Variants in NLRC5 observed in about 807,000 individuals in gnomAD.
The protein encoded by NLRC5 is protein NLRC5.
NLRC5 carries 114 observed loss-of-function variants against 206.9 expected under a neutral mutation model. The observed-to-expected ratio is 0.55, with a 90% CI of 0.47 to 0.64. The LOEUF is 0.64. Ranked by LOEUF, NLRC5 falls within the 30% of genes least tolerant of loss-of-function variation. The probability of loss-of-function intolerance (pLI) is 0.00; values close to 1 mark genes in which losing one functional copy is unlikely to be tolerated. For missense variants in NLRC5, 2,008 were observed against 2,305.5 expected, an observed-to-expected ratio of 0.87 and a Z score of 2.64; for synonymous variants, 952 against 962.8, an observed-to-expected ratio of 0.99 and a Z score of 0.21.
At chr16:57,004,828 G>T (rs1441089993) in intron 1 of NLRC5, among the ~76,000 whole-genome samples, 3 of 152,170 alleles carry the variant, frequency 2.0e-5, no homozygotes, top group Non-Finnish European at 4.4e-5. Flanking sequence ...TTGGAGGGAG[G>T]CGTCTGCTGG....
At chr16:57,002,141 ACT>A (rs1491264445) in intron 1 of NLRC5, among the ~76,000 whole-genome samples, 1 of 151,004 alleles carries the variant, frequency 6.6e-6, no homozygotes, top group African/African-American at 2.4e-5. Context: ...ATTTTCTTTT[ACT>A]CTTTTATTCT....
chr16:57,070,681 G>A, intron 38 of NLRC5, 63 bp downstream of exon 38: 1 of 1,399,194 alleles, frequency 7.1e-7, no homozygotes, highest in Non-Finnish European at 9.9e-7. Context: ...TGGTGGAAGT[G>A]GGTGAGTGGT....
Position 57,025,724 on chromosome 16 carries a change from T to C in NLRC5, c.781T>C (p.Phe261Leu). The change falls in exon 6 of 49, where the codon TTC becomes CTC. Residue 261 changes from phenylalanine to leucine, a missense_variant. Transcript: ENST00000688547. Reference protein sequence around the residue: ...NCFQALFLFEFRQLNLITRFL... With the variant: ...NCFQALFLFELRQLNLITRFL... ...TTTCCAGGCCCTGTTCCTTTTTGAA[T>C]TCCGCCAGCTCAACTTGATCACGAG... is the stretch of plus-strand genomic sequence containing the variant. 6.2e-7 allele frequency: 1 copy of C among 1,614,224 alleles called. No homozygotes were observed. The highest frequency in any genetic ancestry group is 8.5e-7 in the Non-Finnish European group (1 of 1,180,038).
intron 27 of NLRC5, among the ~76,000 whole-genome samples, chr16:57,057,533 T>C (rs2065837417): frequency 6.6e-6 from 1 of 152,248 alleles, no homozygotes; most frequent in Non-Finnish European, 1.5e-5. Context: ...AGAAGAAATC[T>C]ATGGGTTTAA....
In NLRC5 at chr16:57,025,426, C is replaced by A. The variant is rs1597219414; in HGVS notation, c.483C>A (p.Ser161Arg). ...LRTSAQQRYR[S>R]QIPGSGQPHA... is the part of the protein sequence containing the mutation. ...CCTCTGCCCAGCAGCGCTACAGGAG[C>A]CAAATCCCTGGGTCAGGGCAGCCCC... The change falls in exon 6 of 49, where the codon AGC becomes AGA. Residue 161 changes from serine to arginine, a missense_variant. Physicochemically the swap from Ser to Arg is moderately radical, Grantham distance 110. Coordinates refer to ENST00000688547, the MANE Select transcript of NLRC5 (RefSeq NM_001384950.1). 2 of 1,584,658 alleles carry A rather than the reference C, an allele frequency of 1.3e-6. No individual in the cohort carries two copies. The highest frequency in any genetic ancestry group is 1.7e-6 in the Non-Finnish European group (2 of 1,166,570).
chr16:57,015,925 CAAAAAAA>C (rs35216159), intron 1 of NLRC5, among the ~76,000 whole-genome samples: 43 of 39,664 alleles, frequency 1.1e-3, no homozygotes, highest in African/African-American at 4.4e-3. Context: ...AACTCCATCT[CAAAAAAA>C]AAAAAAAAAA....
chr16:57,047,447 T>A (rs1284703295), intron 22 of NLRC5, 98 bp from the exon 23 acceptor site: 1 of 1,092,538 alleles, frequency 9.2e-7, no homozygotes, highest in Admixed American at 2.0e-5. Flanking sequence ...GCCTCCCACT[T>A]AGAGTGAGGG....
chr16:57,061,471 C>T lies in NLRC5; in HGVS notation c.4010C>T (p.Pro1337Leu). 2 of 1,611,468 alleles carry T rather than the reference C, an allele frequency of 1.2e-6. No individual in the cohort carries two copies. The highest frequency in any genetic ancestry group is 1.7e-6 in the Non-Finnish European group (2 of 1,180,026). ...AGGCTAAGTGAGTGCAGCTTCCGGC[C>T]AGAGCACGTGTCCAGGCTGGCCACC... is the stretch of plus-strand genomic sequence containing the variant. ...TLRLSECSFR[P>L]EHVSRLATGL... is the part of the protein sequence containing the mutation. The change falls in exon 31 of 49, where the codon CCA becomes CTA. Residue 1337 changes from proline (P) to leucine (L), a missense_variant. By Grantham distance (98) the Pro-to-Leu change is moderately conservative. Transcript: ENST00000688547.
chr16:57,071,021 T>G (rs376635963), intron 38 of NLRC5, among the ~76,000 whole-genome samples: 1,463 of 26,644 alleles, frequency 0.055, 23 homozygotes, highest in Middle Eastern at 0.1. Context: ...AGTGGTGGCG[T>G]TGGTTAATGG....
intron 8 of NLRC5, among the ~76,000 whole-genome samples, chr16:57,029,073 T>G (rs1216179062): frequency 6.6e-6 from 1 of 152,142 alleles, no homozygotes; most frequent in Non-Finnish European, 1.5e-5. Flanking sequence ...GGTTCAGCAC[T>G]TGTTGAGTGA....
intron 1 of NLRC5, chr16:57,013,855 C>CA: frequency 1.5e-6 from 1 of 655,822 alleles, no homozygotes; most frequent in Non-Finnish European, 2.8e-6. Context: ...CTTTCTTTTT[C>CA]AAAAATGGCA....
At chr16:57,012,858 A>G (rs1232666862) in intron 1 of NLRC5, among the ~76,000 whole-genome samples, 1 of 152,144 alleles carries the variant, frequency 6.6e-6, no homozygotes, top group Non-Finnish European at 1.5e-5. Flanking sequence ...GTTTCTTTAC[A>G]TCCTCATCAA....
At chr16:57,062,954 T>G (rs1487306867) in intron 32 of NLRC5, among the ~76,000 whole-genome samples, 11 of 151,882 alleles carry the variant, frequency 7.2e-5, no homozygotes, top group Admixed American at 5.9e-4. Flanking sequence ...GCTTTCTGTC[T>G]CTATGAATTG....
Position 57,061,684 on chromosome 16 carries a change from A to G in NLRC5, c.4137A>G (p.Ala1379=), listed in dbSNP as rs748803170. ...AILLSLVGRP[A]GLFSLRVQEP... ...TCCTGAGCTTGGTGGGGCGACCCGC[A>G]GGGCTGTTCAGCCTCAGGTACCTCC... Residue 1379 remains alanine (A), a synonymous_variant, in exon 32 of 49, where the codon GCA becomes GCG. Transcript: ENST00000688547. 6.2e-6 allele frequency: 10 copies of G among 1,606,952 alleles called. No homozygotes were observed. The highest frequency in any genetic ancestry group is 5.9e-6 in the Non-Finnish European group (7 of 1,178,346).
chr16:57,030,084 G>A lies in NLRC5; in HGVS notation c.2417G>A (p.Arg806Lys). 6.2e-7 allele frequency: 1 copy of A among 1,613,652 alleles called. No individual in the cohort carries two copies. Among genetic ancestry groups the A allele is most frequent in the Non-Finnish European group, 8.5e-7 (1 of 1,179,608 alleles). Residue 806 changes from arginine to lysine, a missense_variant and splice_region_variant, in exon 10 of 49, where the codon AGG (arginine) becomes AAG (lysine). Physicochemically the swap from Arg to Lys is conservative, Grantham distance 26. Transcript: ENST00000688547. ...TCPTVRMLQAREADLIFLLSP... is the reference protein window; with the variant it reads ...TCPTVRMLQAKEADLIFLLSP... ...CCTACCGTCAGGATGCTTCAGGCCA[G>A]GTGAGCAGAAGGAAAGGGATCTTGG...
chr16:57,027,245 C>T (rs2061347813), intron 6 of NLRC5, among the ~76,000 whole-genome samples: 1 of 152,228 alleles, frequency 6.6e-6, no homozygotes, highest in Non-Finnish European at 1.5e-5. Context: ...CTCTGTCAAT[C>T]ATGGGCTGAA....
In NLRC5 at chr16:57,018,886, T is replaced by C. The variant is rs1302255737; in HGVS notation, c.-13+1698T>C. 3.3e-5 allele frequency among the ~76,000 whole-genome samples: 5 copies of C among 152,340 alleles called. No individual in the cohort carries two copies. The East Asian group carries it at 9.6e-4, about 29-fold the overall frequency. ...CATTTAGTTGGCCAATCCCCAACTG[T>C]TGGACATTTAGGTTGTTTCCAATTT... is the stretch of plus-strand genomic sequence containing the variant. On this transcript the variant is annotated intron_variant, in intron 2 of 48. Coordinates refer to ENST00000688547, the MANE Select transcript of NLRC5 (RefSeq NM_001384950.1).
At chr16:57,082,097 T>G (rs1157257560) in intron 48 of NLRC5, among the ~76,000 whole-genome samples, 2 of 152,220 alleles carry the variant, frequency 1.3e-5, no homozygotes, top group Non-Finnish European at 2.9e-5. Flanking sequence ...ACCAAAATCA[T>G]ATATTATGAC....
chr16:57,067,380 T>A lies in NLRC5; in HGVS notation c.4323-7T>A. On this transcript the variant is annotated splice_region_variant and splice_polypyrimidine_tract_variant and intron_variant, in intron 34 of 48. Transcript: ENST00000688547. ...TCCAAAACTGTCGTCTCCCTGTCTG[T>A]GTCCAGGTTGGCTCACTGTGACCTT... 1 of 1,613,864 alleles carries A rather than the reference T, an allele frequency of 6.2e-7. No individual in the cohort carries two copies. The highest frequency in any genetic ancestry group is 8.5e-7 in the Non-Finnish European group (1 of 1,179,696).
Sources: gnomAD v4.1 joint callset for allele counts (sites outside exome capture counted in the v4.1 genomes callset) on GRCh38, gnomAD v4.1.1 for gene constraint, MANE v1.5 for transcripts, NCBI Gene and HGNC (gene_info 2026-07-23, HGNC 2026-07-21) for gene names.